TIAM1: variants seen among roughly 807,000 people sequenced by gnomAD.
TIAM1 encodes TIAM Rac1 associated GEF 1, also known as rho guanine nucleotide exchange factor TIAM1.
TIAM1 carries 65 observed loss-of-function variants against 163.5 expected under a neutral mutation model. That is an observed-to-expected ratio of 0.40 (90% CI 0.33 to 0.49). The LOEUF is 0.49. Ranked by LOEUF, TIAM1 falls within the 20% of genes least tolerant of loss-of-function variation. TIAM1 has a pLI of 0.77. For synonymous variants in TIAM1, 833 were observed against 810.1 expected (o/e 1.03, Z -0.48); for missense variants, 1,789 against 2,044.7 (o/e 0.87, Z 2.41).
intron 4 of TIAM1, among the ~76,000 whole-genome samples, chr21:31,256,635 T>C (rs1783072): frequency 1 from 149,525 of 149,526 alleles, 74,762 homozygotes; most frequent in Non-Finnish European, 1. Context: ...ACACGTATAT[T>C]ATCTTTGGCT....
chr21:31,282,295 G>A (rs1031796347), intron 2 of TIAM1, among the ~76,000 whole-genome samples: 3 of 152,228 alleles, frequency 2.0e-5, no homozygotes, highest in African/African-American at 7.2e-5. Context: ...CGGAGGCTCA[G>A]TGACAAATTT....
intron 2 of TIAM1, chr21:31,453,125 T>A: frequency 3.2e-6 from 1 of 311,040 alleles, no homozygotes. Flanking sequence ...TGATGAGGAT[T>A]CTCCTGAAAA....
At chr21:31,483,072 T>C (rs1018880903) in intron 1 of TIAM1, among the ~76,000 whole-genome samples, 8 of 152,190 alleles carry the variant, frequency 5.3e-5, no homozygotes, top group Non-Finnish European at 1.0e-4. Flanking sequence ...GTAAAGGCCA[T>C]GGTCTTGGTA....
intron 2 of TIAM1, among the ~76,000 whole-genome samples, chr21:31,306,405 T>C (rs1006988552): frequency 5.3e-5 from 8 of 152,202 alleles, no homozygotes; most frequent in Admixed American, 4.6e-4. Context: ...AAGAGACTTA[T>C]ATAATTTCAA....
chr21:31,508,387 C>CTTTTT (rs200164021), intron 1 of TIAM1, among the ~76,000 whole-genome samples: 1 of 126,558 alleles, frequency 7.9e-6, no homozygotes, highest in African/African-American at 2.9e-5. Flanking sequence ...ATTGAAATTT[C>CTTTTT]TTTTTTTTTT....
At chr21:31,162,642 CTT>C (rs113256464) in intron 16 of TIAM1, among the ~76,000 whole-genome samples, 108 of 139,364 alleles carry the variant, frequency 7.7e-4, no homozygotes, top group Middle Eastern at 3.7e-3. Flanking sequence ...ACTTCTTAAT[CTT>C]TTTTTTTTTT....
At chr21:31,553,800 C>T (rs1446282137) in intron 1 of TIAM1, among the ~76,000 whole-genome samples, 2 of 152,132 alleles carry the variant, frequency 1.3e-5, no homozygotes, top group Non-Finnish European at 2.9e-5. Context: ...TTGTCCCGAT[C>T]CCACCTTCCC....
chr21:31,140,755 A>C (rs2082811020), intron 22 of TIAM1, among the ~76,000 whole-genome samples: 1 of 152,198 alleles, frequency 6.6e-6, no homozygotes, highest in African/African-American at 2.4e-5. Context: ...GGCACCCACT[A>C]TGTGCCTGGT....
intron 1 of TIAM1, among the ~76,000 whole-genome samples, chr21:31,528,543 A>G (rs1280075099): frequency 6.7e-6 from 1 of 149,398 alleles, no homozygotes; most frequent in African/African-American, 2.5e-5. Context: ...GGTGGCTCAC[A>G]CCTGTAATCC....
chr21:31,365,398 T>TTCC (rs1555956922), intron 2 of TIAM1, among the ~76,000 whole-genome samples: 2 of 149,034 alleles, frequency 1.3e-5, no homozygotes, highest in Non-Finnish European at 3.0e-5. Context: ...TTTTTTTTTT[T>TTCC]TTTTTTTTGA....
chr21:31,317,209 C>T (rs1402624266), intron 2 of TIAM1, among the ~76,000 whole-genome samples: 3 of 152,134 alleles, frequency 2.0e-5, no homozygotes, highest in Non-Finnish European at 4.4e-5. Context: ...ACTCCCAGCA[C>T]TTTGGGAGGC....
In TIAM1 at chr21:31,154,319, T is replaced by C. The variant is rs781369026; in HGVS notation, c.3099A>G (p.Arg1033=). The stretch of plus-strand genomic sequence containing the variant: ...GCAGCTTATCTGCATCCGAGAGTTG[T>C]CTCATGGTCGCCAGCTGAGGCCCCG... The part of the protein sequence containing the change: ...DSTGPQLATM[R]QLSDADKLRK... The change falls in exon 17 of 28, where the codon AGA becomes AGG. Residue 1033 remains arginine (R), a synonymous_variant. Coordinates refer to ENST00000541036, the MANE Select transcript of TIAM1 (RefSeq NM_001353694.2). The C allele has an allele frequency of 5.0e-6, 8 of 1,614,090 alleles. No homozygotes were observed. Among genetic ancestry groups the C allele is most frequent in the Non-Finnish European group, 6.8e-6 (8 of 1,180,018 alleles).
At chr21:31,432,880 T>G (rs1462455142) in intron 2 of TIAM1, among the ~76,000 whole-genome samples, 1 of 151,962 alleles carries the variant, frequency 6.6e-6, no homozygotes, top group Non-Finnish European at 1.5e-5. Flanking sequence ...CAAAGGGGAG[T>G]GGCAATGATC....
intron 1 of TIAM1, among the ~76,000 whole-genome samples, chr21:31,488,052 G>C (rs1211006917): frequency 6.6e-6 from 1 of 152,194 alleles, no homozygotes; most frequent in African/African-American, 2.4e-5. Context: ...TGTAACTCCT[G>C]ACCTCAGGTG....
intron 2 of TIAM1, among the ~76,000 whole-genome samples, chr21:31,413,264 C>CTTTTTTTTTTTTTTTTTTTTTTTT (rs397866519): frequency 5.7e-5 from 5 of 87,878 alleles, no homozygotes; most frequent in Admixed American, 3.2e-4. Flanking sequence ...CTTTTCTTTT[C>CTTTTTTTTTTTTTTTTTTTTTTTT]TTTTTTTTTT....
At chr21:31,243,328 C>A (rs2071319620) in intron 6 of TIAM1, among the ~76,000 whole-genome samples, 1 of 146,972 alleles carries the variant, frequency 6.8e-6, no homozygotes, top group Admixed American at 6.8e-5. Context: ...AAAAAAGAAT[C>A]AGTGAACTTA....
chr21:31,353,547 G>A (rs1263179076), intron 2 of TIAM1, among the ~76,000 whole-genome samples: 6 of 152,098 alleles, frequency 3.9e-5, no homozygotes, highest in Non-Finnish European at 5.9e-5. Context: ...CTAGGCTAGG[G>A]GCTGCTCATT....
chr21:31,315,228 C>T (rs114889499), intron 2 of TIAM1, among the ~76,000 whole-genome samples: 17 of 152,010 alleles, frequency 1.1e-4, no homozygotes, highest in African/African-American at 3.4e-4. Context: ...AAAGTAGCTG[C>T]GCATGGCCGG....
At chr21:31,181,377 G>T (rs2085003096) in intron 15 of TIAM1, among the ~76,000 whole-genome samples, 1 of 152,124 alleles carries the variant, frequency 6.6e-6, no homozygotes, top group Non-Finnish European at 1.5e-5. Context: ...AAATTTGCAG[G>T]GTTGTGGGGG....
Sources: gnomAD v4.1 joint callset for allele counts (sites outside exome capture counted in the v4.1 genomes callset) on GRCh38, gnomAD v4.1.1 for gene constraint, MANE v1.5 for transcripts, NCBI Gene and HGNC (gene_info 2026-07-23, HGNC 2026-07-21) for gene names.